Variants in UBA2 observed in about 807,000 individuals in gnomAD.
UBA2 encodes the protein ubiquitin like modifier activating enzyme 2.
A neutral mutation model predicts 77.2 loss-of-function variants in UBA2; 11 were observed. The observed-to-expected ratio is 0.14, with a 90% CI of 0.09 to 0.24. The LOEUF is 0.24. UBA2 is among the 10% of genes least tolerant of loss of function. UBA2 has a pLI of 1.00. For missense variants in UBA2, 487 were observed against 781.7 expected (o/e 0.62, Z 4.50); for synonymous variants, 278 against 276.7 (o/e 1.00, Z -0.05).
intron 12 of UBA2, 99 bp downstream of exon 12, chr19:34,454,655 T>C (rs2075538531): frequency 1.5e-6 from 1 of 646,102 alleles, no homozygotes; most frequent in Non-Finnish European, 2.4e-6. Flanking sequence ...AACAATAAAA[T>C]TGGTTTAAAG....
At chr19:34,467,324 T>A (rs2075697979) in intron 16 of UBA2, among the ~76,000 whole-genome samples, 1 of 151,404 alleles carries the variant, frequency 6.6e-6, no homozygotes, top group African/African-American at 2.4e-5. Flanking sequence ...AAAAAAAAAT[T>A]AACCACGCAT....
chr19:34,436,445 G>A (rs1220047602), intron 5 of UBA2, among the ~76,000 whole-genome samples: 3 of 152,024 alleles, frequency 2.0e-5, no homozygotes, highest in African/African-American at 2.4e-5. Context: ...GATTACAGGC[G>A]TGCGCCACCA....
At position 34,452,140 on chromosome 19, in the gene UBA2, G is replaced by T. The variant is rs1259919668; in HGVS notation, c.1031G>T (p.Trp344Leu). ...AEKGDGAELI[W>L]DKDDPSAMDF... The stretch of plus-strand genomic sequence containing the variant: ...AAGGGGGATGGAGCTGAGCTCATAT[G>T]GGATAAGGTTCGTTTTGACAATGTG... Residue 344 changes from tryptophan (W) to leucine (L), a missense_variant, in exon 10 of 17, where the codon TGG (tryptophan) becomes TTG (leucine). Trp to Leu is a moderately conservative substitution (Grantham distance 61). Transcript: ENST00000246548. The T allele has an allele frequency of 6.3e-7, 1 of 1,593,416 alleles. No homozygotes were observed. The highest frequency in any genetic ancestry group is 1.7e-5 in the Admixed American group (1 of 58,326).
intron 8 of UBA2, among the ~76,000 whole-genome samples, chr19:34,446,612 CT>C (rs911805667): frequency 4.5e-4 from 24 of 53,838 alleles, no homozygotes; most frequent in Non-Finnish European, 5.2e-4. Flanking sequence ...TTTTTTCTTT[CT>C]TTTTTTTTTT....
rs532534768 is a variant in UBA2, at chr19:34,442,718, A to C, written c.582-1126A>C. Among the ~76,000 whole-genome samples the C allele has an allele frequency of 9.8e-5, 15 of 152,336 alleles. No individual in the cohort carries two copies. The East Asian group carries it at 1.5e-3, about 16-fold the overall frequency. Reference sequence around the variant, plus strand: ...AGTGTTGGGATTACACATGTGAGCCACCACGCCCAGCCAAAAATGCATTTT... The same window carrying C: ...AGTGTTGGGATTACACATGTGAGCCCCCACGCCCAGCCAAAAATGCATTTT... On this transcript the variant is annotated intron_variant, in intron 6 of 16. Transcript: ENST00000246548.
In UBA2 at chr19:34,443,923, A is replaced by C; in HGVS notation, c.649+12A>C. 6.3e-7 allele frequency: 1 copy of C among 1,577,842 alleles called. No individual in the cohort carries two copies. Among genetic ancestry groups the C allele is most frequent in the South Asian group, 1.1e-5 (1 of 90,236 alleles). ...CCCTGAAGCTGCCTGTGAGTAAATT[A>C]TTTGGCATATGTTTTATCAGATACT... On this transcript the variant is annotated intron_variant, in intron 7 of 16. Coordinates refer to ENST00000246548, the MANE Select transcript of UBA2 (RefSeq NM_005499.3).
chr19:34,443,598 C>G (rs533966020), intron 6 of UBA2, among the ~76,000 whole-genome samples: 1 of 151,952 alleles, frequency 6.6e-6, no homozygotes, highest in South Asian at 2.1e-4. Context: ...TGCGCTACCA[C>G]GCCTGGCTAA....
chr19:34,454,844 A>G (rs2075540952), intron 12 of UBA2, among the ~76,000 whole-genome samples: 1 of 152,182 alleles, frequency 6.6e-6, no homozygotes. Context: ...ACTGTTTTTC[A>G]ATTCTGAGAG....
intron 1 of UBA2, among the ~76,000 whole-genome samples, chr19:34,429,670 T>C (rs928496925): frequency 5.3e-5 from 8 of 151,860 alleles, no homozygotes; most frequent in Admixed American, 2.0e-4. Flanking sequence ...AAACCCCGTC[T>C]CTACAAAAAA....
chr19:34,466,847 C>T, intron 15 of UBA2, 31 bp from the exon 16 acceptor site: 1 of 1,607,510 alleles, frequency 6.2e-7, no homozygotes, highest in African/African-American at 1.3e-5. Flanking sequence ...TCTAAATAGT[C>T]ATAGCAGTGA....
chr19:34,449,222 A>G (rs1342184399), intron 8 of UBA2, among the ~76,000 whole-genome samples: 1 of 151,918 alleles, frequency 6.6e-6, no homozygotes, highest in East Asian at 1.9e-4. Context: ...GGCACGCGCC[A>G]CGACGCCCAG....
At chr19:34,443,357 T>A (rs1203989830) in intron 6 of UBA2, among the ~76,000 whole-genome samples, 1 of 152,176 alleles carries the variant, frequency 6.6e-6, no homozygotes, top group Non-Finnish European at 1.5e-5. Context: ...TAACCTTGCT[T>A]ACATTGCTGT....
At chr19:34,449,783 A>G (rs797017010) in intron 8 of UBA2, among the ~76,000 whole-genome samples, 11 of 152,294 alleles carry the variant, frequency 7.2e-5, no homozygotes, top group African/African-American at 2.6e-4. Flanking sequence ...ATCGCAGTTC[A>G]GAAGTTCTGT....
chr19:34,450,995 A>C (rs547703895), intron 9 of UBA2, among the ~76,000 whole-genome samples: 2 of 152,020 alleles, frequency 1.3e-5, no homozygotes, highest in African/African-American at 2.4e-5. Context: ...TAATGTTTAG[A>C]AATGAAAAGT....
chr19:34,440,307 CAA>C (rs60873964), intron 6 of UBA2, among the ~76,000 whole-genome samples: 9 of 90,374 alleles, frequency 1.0e-4, no homozygotes, highest in Middle Eastern at 6.5e-3. Flanking sequence ...GATGATGTTT[CAA>C]AAAAAAAAAA....
At chr19:34,452,836 T>G (rs2075516599) in intron 10 of UBA2, among the ~76,000 whole-genome samples, 1 of 152,216 alleles carries the variant, frequency 6.6e-6, no homozygotes, top group African/African-American at 2.4e-5. Flanking sequence ...ATTTTGAAAC[T>G]TTGGTTGAAT....
At chr19:34,441,281 C>A (rs1432280134) in intron 6 of UBA2, among the ~76,000 whole-genome samples, 1 of 151,836 alleles carries the variant, frequency 6.6e-6, no homozygotes, top group Admixed American at 6.6e-5. Flanking sequence ...CGGTGAAACC[C>A]CATCTCTACT....
chr19:34,430,355 A>G (rs1185747080), intron 1 of UBA2, among the ~76,000 whole-genome samples: 1 of 152,234 alleles, frequency 6.6e-6, no homozygotes, highest in Non-Finnish European at 1.5e-5. Flanking sequence ...CCATTCTTTC[A>G]AAGTATTTTT....
At chr19:34,451,662 C>T (rs1425707543) in intron 9 of UBA2, among the ~76,000 whole-genome samples, 1 of 150,512 alleles carries the variant, frequency 6.6e-6, no homozygotes, top group East Asian at 2.0e-4. Flanking sequence ...ATTCTCCTGC[C>T]TCAGCCTCCT....
Sources: gnomAD v4.1 joint callset for allele counts (sites outside exome capture counted in the v4.1 genomes callset) on GRCh38, gnomAD v4.1.1 for gene constraint, MANE v1.5 for transcripts, NCBI Gene and HGNC (gene_info 2026-07-23, HGNC 2026-07-21) for gene names.